Variants in HIPK2 observed in about 807,000 individuals in gnomAD.
The protein encoded by HIPK2 is homeodomain-interacting protein kinase 2.
In HIPK2, 27 loss-of-function variants were observed where a neutral mutation model predicts 113.7. The observed-to-expected ratio is 0.24, with a 90% CI of 0.17 to 0.33. The LOEUF is 0.33. Among genes scored for constraint, HIPK2 ranks in the 10% least tolerant of loss-of-function variants. HIPK2 has a pLI of 1.00. For synonymous variants in HIPK2, 631 were observed against 642.2 expected (o/e 0.98, Z 0.26); for missense variants, 1,257 against 1,588.0 (o/e 0.79, Z 3.54).
intron 1 of HIPK2, among the ~76,000 whole-genome samples, chr7:139,730,508 G>A (rs1795743600): frequency 6.6e-6 from 1 of 152,012 alleles, no homozygotes; most frequent in Non-Finnish European, 1.5e-5. Flanking sequence ...TTACAGGCAT[G>A]AGCCAACATG....
At chr7:139,748,816 G>A (rs1318099931) in intron 1 of HIPK2, among the ~76,000 whole-genome samples, 1 of 152,078 alleles carries the variant, frequency 6.6e-6, no homozygotes, top group African/African-American at 2.4e-5. Context: ...GGCCCTCAAA[G>A]CCTCAAAGAA....
At chr7:139,605,911 C>T (rs1799602480) in intron 9 of HIPK2, among the ~76,000 whole-genome samples, 1 of 152,254 alleles carries the variant, frequency 6.6e-6, no homozygotes, top group Middle Eastern at 3.4e-3. Context: ...AAATAAATAA[C>T]AATTTCGTTT....
chr7:139,651,354 C>A (rs1226687796), intron 2 of HIPK2, among the ~76,000 whole-genome samples: 1 of 152,186 alleles, frequency 6.6e-6, no homozygotes, highest in African/African-American at 2.4e-5. Context: ...CTTTGGCCTG[C>A]ATAGATATTA....
intron 2 of HIPK2, among the ~76,000 whole-genome samples, chr7:139,635,672 G>A (rs1008956071): frequency 6.6e-6 from 1 of 152,076 alleles, no homozygotes; most frequent in Non-Finnish European, 1.5e-5. Flanking sequence ...ATCTGGCTAG[G>A]TGGCTGGGAG....
intron 2 of HIPK2, among the ~76,000 whole-genome samples, chr7:139,633,564 C>A (rs1419662255): frequency 3.3e-5 from 5 of 151,764 alleles, no homozygotes; most frequent in Non-Finnish European, 7.4e-5. Context: ...GGAATCCCAG[C>A]ACTTTGGGAG....
intron 2 of HIPK2, among the ~76,000 whole-genome samples, chr7:139,696,575 C>T (rs1294814521): frequency 2.2e-4 from 14 of 62,942 alleles, no homozygotes; most frequent in Non-Finnish European, 3.9e-4. Context: ...TGAATGAGAC[C>T]CTGCCTCAAA....
intron 2 of HIPK2, among the ~76,000 whole-genome samples, chr7:139,656,995 C>T (rs560700549): frequency 6.6e-6 from 1 of 152,176 alleles, no homozygotes; most frequent in East Asian, 1.9e-4. Context: ...CTCAGCCTCT[C>T]GAGTAGCTGG....
Position 139,575,176 on chromosome 7 carries a change from C to G in HIPK2, c.3078G>C (p.Gln1026His), listed in dbSNP as rs1798445761. Reference protein sequence around the residue: ...SSSGAITYRQQRPGPHFQQQQ... With the variant: ...SSSGAITYRQHRPGPHFQQQQ... The stretch of plus-strand genomic sequence containing the variant: ...GCTGCTGGAAGTGGGGGCCCGGCCG[C>G]TGCTGCCGGTAGGTGATGGCTCCAG... The change falls in exon 14 of 15, where the codon CAG (glutamine) becomes CAC (histidine). Residue 1026 changes from glutamine (Q) to histidine (H), a missense_variant. Around this residue, in one of 5 missense-constraint regions of HIPK2, gnomAD observed 862 missense variants for 1,004.3 expected, o/e 0.86. Coordinates refer to ENST00000406875, the MANE Select transcript of HIPK2 (RefSeq NM_022740.5). 8.8e-6 allele frequency: 14 copies of G among 1,592,526 alleles called. No homozygotes were observed. The highest frequency in any genetic ancestry group is 1.2e-5 in the Non-Finnish European group (14 of 1,170,108).
chr7:139,651,132 CCT>C (rs775725020), intron 2 of HIPK2, among the ~76,000 whole-genome samples: 4 of 152,178 alleles, frequency 2.6e-5, no homozygotes, highest in Non-Finnish European at 5.9e-5. Flanking sequence ...GTCAGCACCC[CCT>C]GATACCCAAC....
intron 1 of HIPK2, among the ~76,000 whole-genome samples, chr7:139,725,689 T>A (rs1795554462): frequency 6.6e-6 from 1 of 152,226 alleles, no homozygotes; most frequent in African/African-American, 2.4e-5. Context: ...ATCTAACACA[T>A]CAACAAGTGG....
intron 1 of HIPK2, among the ~76,000 whole-genome samples, chr7:139,769,674 C>T (rs1796615602): frequency 6.6e-6 from 1 of 152,210 alleles, no homozygotes; most frequent in Non-Finnish European, 1.5e-5. Flanking sequence ...ATTTATCCGA[C>T]ATCCTTGGAA....
At chr7:139,699,351 G>C (rs973849516) in intron 2 of HIPK2, among the ~76,000 whole-genome samples, 1 of 152,252 alleles carries the variant, frequency 6.6e-6, no homozygotes, top group African/African-American at 2.4e-5. Context: ...AGGCGAAATG[G>C]AAAGTATTTA....
At chr7:139,625,947 T>C (rs902769908) in intron 6 of HIPK2, among the ~76,000 whole-genome samples, 5 of 152,164 alleles carry the variant, frequency 3.3e-5, no homozygotes, top group African/African-American at 1.2e-4. Context: ...AGTTTTGCGC[T>C]ACAGAGACTA....
At chr7:139,641,147 C>G (rs1224810625) in intron 2 of HIPK2, among the ~76,000 whole-genome samples, 8 of 152,166 alleles carry the variant, frequency 5.3e-5, no homozygotes, top group African/African-American at 1.9e-4. Flanking sequence ...GGTGGATCAC[C>G]TGAGGTCAGG....
intron 2 of HIPK2, among the ~76,000 whole-genome samples, chr7:139,687,586 G>A (rs568749040): frequency 6.6e-6 from 1 of 152,276 alleles, no homozygotes; most frequent in South Asian, 2.1e-4. Flanking sequence ...CACAGGGTAT[G>A]GGTGATAAGC....
At chr7:139,753,011 T>C (rs1796305473) in intron 1 of HIPK2, among the ~76,000 whole-genome samples, 1 of 152,214 alleles carries the variant, frequency 6.6e-6, no homozygotes, top group Admixed American at 6.5e-5. Context: ...GAGGGTGGTC[T>C]AGGTAGGCTT....
At chr7:139,608,267 G>GTGTA (rs1460151002) in intron 9 of HIPK2, among the ~76,000 whole-genome samples, 1 of 148,460 alleles carries the variant, frequency 6.7e-6, no homozygotes, top group Non-Finnish European at 1.5e-5. Flanking sequence ...GTGTGTGTGT[G>GTGTA]TGTGTGTGTG....
At chr7:139,738,352 T>C (rs1795999281) in intron 1 of HIPK2, among the ~76,000 whole-genome samples, 1 of 152,278 alleles carries the variant, frequency 6.6e-6, no homozygotes, top group Admixed American at 6.5e-5. Flanking sequence ...CTCTGTGTGC[T>C]GCTGAAGAGG....
intron 13 of HIPK2, among the ~76,000 whole-genome samples, chr7:139,577,961 G>A (rs545023545): frequency 8.9e-4 from 135 of 151,348 alleles, no homozygotes; most frequent in African/African-American, 3.1e-3. Context: ...AGTGATTCTC[G>A]TGCCTCAACC....
Sources: gnomAD v4.1 joint callset for allele counts (sites outside exome capture counted in the v4.1 genomes callset) on GRCh38, gnomAD v4.1.1 for gene constraint, gnomAD v4.1.1 regional missense constraint, MANE v1.5 for transcripts, NCBI Gene and HGNC (gene_info 2026-07-23, HGNC 2026-07-21) for gene names.